The following ACAN variants were observed in gnomAD, a reference collection of about 807,000 sequenced individuals.
ACAN encodes aggrecan core protein.
In ACAN, 47 loss-of-function variants were observed where a neutral mutation model predicts 169.1. That is an observed-to-expected ratio of 0.28 (90% CI 0.22 to 0.35). ACAN has a LOEUF of 0.35. Ranked by LOEUF, ACAN falls within the 10% of genes least tolerant of loss-of-function variation. The pLI is 1.00. For missense variants in ACAN, 2,716 were observed against 2,759.9 expected (o/e 0.98, Z 0.36); for synonymous variants, 1,115 against 1,112.2 (o/e 1.00, Z -0.05).
Position 88,869,824 on chromosome 15 carries a change from T to C in ACAN, c.7060+1495T>C, listed in dbSNP as rs112519219. On this transcript the variant is annotated intron_variant, in intron 14 of 18. Coordinates refer to ENST00000560601, the MANE Select transcript of ACAN (RefSeq NM_001369268.1). This position sits in a 1 kb window ranked among gnomAD's most constrained non-coding sequence, Gnocchi z 4.2. ...ACTCCACGGTGCCTCCTGCCTTGGC[T>C]CTGTCCCTGTTACCTCTTTCAGTCT... 1.3e-5 allele frequency among the ~76,000 whole-genome samples: 2 copies of C among 152,200 alleles called. No homozygotes were observed. Among genetic ancestry groups the C allele is most frequent in the Non-Finnish European group, 2.9e-5 (2 of 67,974 alleles).
intron 1 of ACAN, among the ~76,000 whole-genome samples, chr15:88,811,274 G>C (rs1895813843): frequency 6.6e-6 from 1 of 152,190 alleles, no homozygotes; most frequent in African/African-American, 2.4e-5. Flanking sequence ...AACTGAATTT[G>C]ACCGTGAAGC....
In ACAN at chr15:88,857,964, T is replaced by C; in HGVS notation, c.5379T>C (p.Pro1793=). ...TDLSGETSGV[P]DLSGQPSGLP... ...TGAGTGGAGAAACATCTGGGGTCCC[T>C]GATCTCAGTGGGCAGCCTTCAGGGT... The change falls in exon 12 of 19, where the codon CCT becomes CCC. Residue 1793 remains proline, a synonymous_variant. Coordinates refer to ENST00000560601, the MANE Select transcript of ACAN (RefSeq NM_001369268.1). 1 of 1,613,872 alleles carries C rather than the reference T, an allele frequency of 6.2e-7. No homozygotes were observed. The highest frequency in any genetic ancestry group is 8.5e-7 in the Non-Finnish European group (1 of 1,179,882).
intron 1 of ACAN, among the ~76,000 whole-genome samples, chr15:88,820,830 T>C (rs1275384155): frequency 6.6e-6 from 1 of 152,080 alleles, no homozygotes; most frequent in East Asian, 1.9e-4. Flanking sequence ...GTTGCATTAG[T>C]CCATTCTCAC....
rs549834872 is a variant in ACAN at position 88,849,076 on chromosome 15, C to T, written c.1733-362C>T. ...GCAAAGGGATTGGAGGGGGCCCAGG[C>T]GAGCTGCCTCGCTTAGCCAAGGGAG... On this transcript the variant is annotated intron_variant, in intron 9 of 18. Transcript: ENST00000560601. This position sits in a 1 kb window ranked among gnomAD's most constrained non-coding sequence, Gnocchi z 5.1. 2.6e-5 allele frequency among the ~76,000 whole-genome samples: 4 copies of T among 152,270 alleles called. No individual in the cohort carries two copies. Among genetic ancestry groups the T allele is most frequent in the Admixed American group, 6.5e-5 (1 of 15,304 alleles).
At chr15:88,836,374 T>C (rs540971342) in intron 2 of ACAN, 98 bp downstream of exon 2, 3 of 1,090,582 alleles carry the variant, frequency 2.8e-6, no homozygotes, top group East Asian at 2.5e-5. Context: ...CCCAGGGATA[T>C]AATTTCCCCT....
At chr15:88,821,132 A>C (rs1896065452) in intron 1 of ACAN, among the ~76,000 whole-genome samples, 3 of 152,280 alleles carry the variant, frequency 2.0e-5, no homozygotes, top group African/African-American at 7.2e-5. Context: ...CCCATGATAT[A>C]TGGGAATTAT....
At chr15:88,817,053 G>A (rs539336760) in intron 1 of ACAN, among the ~76,000 whole-genome samples, 1 of 152,160 alleles carries the variant, frequency 6.6e-6, no homozygotes, top group South Asian at 2.1e-4. Context: ...GAGCCCTTTG[G>A]CTTTACATAA....
At chr15:88,817,285 G>T (rs936512192) in intron 1 of ACAN, among the ~76,000 whole-genome samples, 1 of 152,076 alleles carries the variant, frequency 6.6e-6, no homozygotes, top group African/African-American at 2.4e-5. Flanking sequence ...GTGACTACAG[G>T]TGTGTGCCAC....
intron 13 of ACAN, among the ~76,000 whole-genome samples, chr15:88,863,227 AT>A (rs1175990092): frequency 6.6e-6 from 1 of 152,204 alleles, no homozygotes; most frequent in African/African-American, 2.4e-5. Context: ...ATTATAAGTT[AT>A]TTAGCAATTA....
At chr15:88,842,595 G>C (rs1896692354) in intron 5 of ACAN, among the ~76,000 whole-genome samples, 1 of 148,904 alleles carries the variant, frequency 6.7e-6, no homozygotes, top group Admixed American at 6.6e-5. Context: ...TTCTGGGTGA[G>C]GGGCCCCGGC....
chr15:88,845,849 A>G lies in ACAN; in HGVS notation c.1396A>G (p.Thr466Ala). ...CAGTGAGGACCTCGTCGTGCAGGTGACCGCTGTCCCTGGGCAGCCGCATTT... is the reference window on the plus strand; with the variant it reads ...CAGTGAGGACCTCGTCGTGCAGGTGGCCGCTGTCCCTGGGCAGCCGCATTT... ...FTSEDLVVQV[T>A]AVPGQPHLPG... Residue 466 changes from threonine (T) to alanine (A), a missense_variant, in exon 7 of 19, where the codon ACC becomes GCC. By Grantham distance (58) the Thr-to-Ala change is moderately conservative (BLOSUM62 0). Around this residue, in one of 3 missense-constraint regions of ACAN, gnomAD observed 1,283 missense variants for 1,281.5 expected, o/e 1.00. Transcript: ENST00000560601. 6.8e-7 allele frequency: 1 copy of G among 1,474,716 alleles called. No homozygotes were observed. The highest frequency in any genetic ancestry group is 9.0e-7 in the Non-Finnish European group (1 of 1,109,330). The allele number at this position is 1,474,716 out of a possible 1,614,324, so 91.4% of individuals were successfully genotyped here.
rs754672128 is a variant in ACAN at position 88,836,267 on chromosome 15, G to C, written c.61G>C (p.Glu21Gln). 1 of 1,613,540 alleles carries C rather than the reference G, an allele frequency of 6.2e-7. No individual in the cohort carries two copies. The highest frequency in any genetic ancestry group is 8.5e-7 in the Non-Finnish European group (1 of 1,179,586). The change falls in exon 2 of 19, where the codon GAA (glutamate) becomes CAA (glutamine). Residue 21 changes from glutamate (E) to glutamine (Q), a missense_variant. Physicochemically the swap from Glu to Gln is conservative, Grantham distance 29. This residue lies in a region of ACAN where 1,283 missense variants were observed against 1,281.5 expected (regional missense o/e 1.00). Transcript: ENST00000560601. ...GGTCATCACTGCAGCTGTCACTGTA[G>C]AAACTTCAGGTGAGGACATTCCTAT... ...LRVITAAVTV[E>Q]TSDHDNSLSV...
chr15:88,830,866 G>T (rs1259629754), intron 1 of ACAN, among the ~76,000 whole-genome samples: 4 of 152,112 alleles, frequency 2.6e-5, no homozygotes, highest in African/African-American at 7.2e-5. Context: ...GCACTATGAC[G>T]CTACAACGGC....
At position 88,849,684 on chromosome 15, in the gene ACAN, C is replaced by G; in HGVS notation, c.1979C>G (p.Thr660Arg). The change falls in exon 10 of 19, where the codon ACG becomes AGG. Residue 660 changes from threonine to arginine, a missense_variant. By Grantham distance (71) the Thr-to-Arg change is moderately conservative. Coordinates refer to ENST00000560601, the MANE Select transcript of ACAN (RefSeq NM_001369268.1). This position sits in a 1 kb window ranked among gnomAD's most constrained non-coding sequence, Gnocchi z 5.1. The part of the protein sequence containing the change: ...VRTVYLYPNQ[T>R]GLPDPLSRHH... ...ACGGTCTACCTCTACCCTAACCAGA[C>G]GGGCCTCCCAGACCCACTGTCCCGG... is the stretch of plus-strand genomic sequence containing the variant. The G allele has an allele frequency of 6.2e-7, 1 of 1,613,824 alleles. No individual in the cohort carries two copies. The highest frequency in any genetic ancestry group is 8.5e-7 in the Non-Finnish European group (1 of 1,179,836).
At chr15:88,835,027 C>T (rs939585) in intron 1 of ACAN, among the ~76,000 whole-genome samples, 88,916 of 151,980 alleles carry the variant, frequency 0.59, 26,608 homozygotes, top group Middle Eastern at 0.71. Flanking sequence ...CAGCAGATGA[C>T]GATAAGGAAG....
intron 1 of ACAN, among the ~76,000 whole-genome samples, chr15:88,823,606 C>G (rs1028564842): frequency 5.9e-5 from 9 of 152,126 alleles, no homozygotes; most frequent in Non-Finnish European, 1.2e-4. Flanking sequence ...TCATCCTTCA[C>G]GTGCCCACCC....
At position 88,858,249 on chromosome 15, in the gene ACAN, A is replaced by G. The variant is rs749040666; in HGVS notation, c.5664A>G (p.Thr1888=). 10 of 1,613,938 alleles carry G rather than the reference A, an allele frequency of 6.2e-6. No homozygotes were observed. The South Asian group carries it at 8.8e-5, about 14-fold the overall frequency. ...FSGTVDSSGF[T]SQTPEFSGLP... is the part of the protein sequence containing the mutation. ...GAACAGTCGATTCCAGTGGGTTTACATCCCAGACTCCGGAATTCAGTGGCC... is the reference window on the plus strand; with the variant it reads ...GAACAGTCGATTCCAGTGGGTTTACGTCCCAGACTCCGGAATTCAGTGGCC... Residue 1888 remains threonine (T), a synonymous_variant, in exon 12 of 19, where the codon ACA becomes ACG. Coordinates refer to ENST00000560601, the MANE Select transcript of ACAN (RefSeq NM_001369268.1). This position sits in a 1 kb window ranked among gnomAD's most constrained non-coding sequence, Gnocchi z 4.0.
At position 88,871,243 on chromosome 15, in the gene ACAN, C is replaced by T. The variant is rs566068057; in HGVS notation, c.7061-139C>T. 2,181 of 1,232,664 alleles carry T rather than the reference C, an allele frequency of 1.8e-3. No individual in the cohort carries two copies. The highest frequency in any genetic ancestry group is 2.3e-3 in the Non-Finnish European group (2,076 of 887,858). 76.4% of individuals were successfully genotyped at this position (1,232,664 alleles called of 1,614,324 possible). A position where few individuals can be genotyped will look rare whatever the true frequency, so the allele number is the denominator to read the frequency against. On this transcript the variant is annotated intron_variant, in intron 14 of 18. Transcript: ENST00000560601. The surrounding 1 kb of genome is among the most constrained non-coding windows in gnomAD (Gnocchi z 7.8). ...GACCAGTTTCCAACCTGAACTCCTC[C>T]AGCTGTGCCTCTCCCTTCCCTTGAG...
At position 88,871,264 on chromosome 15, in the gene ACAN, T is replaced by C. The variant is rs1324665474; in HGVS notation, c.7061-118T>C. On this transcript the variant is annotated intron_variant, in intron 14 of 18. Coordinates refer to ENST00000560601, the MANE Select transcript of ACAN (RefSeq NM_001369268.1). The surrounding 1 kb of genome is among the most constrained non-coding windows in gnomAD (Gnocchi z 7.8). Reference sequence around the variant, plus strand: ...CCTCCAGCTGTGCCTCTCCCTTCCCTTGAGGGCACAGCATGGAAGGTGGGG... The same window carrying C: ...CCTCCAGCTGTGCCTCTCCCTTCCCCTGAGGGCACAGCATGGAAGGTGGGG... 1.4e-6 allele frequency: 2 copies of C among 1,418,874 alleles called. No individual in the cohort carries two copies. Among genetic ancestry groups the C allele is most frequent in the Non-Finnish European group, 1.9e-6 (2 of 1,041,270 alleles). 87.9% of individuals were successfully genotyped at this position (1,418,874 alleles called of 1,614,324 possible).
Sources: allele counts gnomAD v4.1 joint callset (sites outside exome capture counted in the v4.1 genomes callset), GRCh38; gene constraint gnomAD v4.1.1; regional missense constraint gnomAD v4.1.1; non-coding constraint Gnocchi (gnomAD v3.1); transcripts MANE v1.5; gene names NCBI Gene and HGNC (gene_info 2026-07-23, HGNC 2026-07-21).